Variants in INTS11 observed in about 807,000 individuals in gnomAD.
INTS11 encodes the protein CPSF3-like protein.
Under a neutral mutation model 78.6 loss-of-function variants are expected in INTS11, and 77 were observed. The ratio of observed to expected loss-of-function variants is 0.98; its 90% CI spans 0.81 to 1.18. The LOEUF (loss-of-function observed/expected upper bound fraction) is 1.18. Ranked by LOEUF, INTS11 falls within the 50% of genes most tolerant of loss-of-function variation. The probability of loss-of-function intolerance (pLI) is 0.00; values close to 1 mark genes in which losing one functional copy is unlikely to be tolerated. For synonymous variants in INTS11, 441 were observed against 326.9 expected (o/e 1.35, Z -3.77); for missense variants, 875 against 825.9 (o/e 1.06, Z -0.73).
At chr1:1,321,146 G>T in intron 1 of INTS11, 53 bp from the exon 2 acceptor site, 1 of 1,410,746 alleles carries the variant, frequency 7.1e-7, no homozygotes. Flanking sequence ...CCCCTGTGCT[G>T]CCTCCCCAAG....
chr1:1,318,411 A>G (rs949204610), intron 4 of INTS11, among the ~76,000 whole-genome samples: 1 of 152,164 alleles, frequency 6.6e-6, no homozygotes, highest in Non-Finnish European at 1.5e-5. Flanking sequence ...TAATCCGAGC[A>G]CTTTGAGAGG....
chr1:1,320,773 G>A (rs1378353079), intron 2 of INTS11: 3 of 712,946 alleles, frequency 4.2e-6, no homozygotes, highest in Non-Finnish European at 7.6e-6. Flanking sequence ...ACGGAGTCCA[G>A]CCTACAGGAC....
chr1:1,319,443 G>C lies in INTS11; in HGVS notation c.282C>G (p.His94Gln), dbSNP rs767166926. Reference sequence around the variant, plus strand: ...AGATGGGGCAGATGGCCTGGGTGGGGTGAGTCATGTAGATGGGCCCGTCGT... The same window carrying C: ...AGATGGGGCAGATGGCCTGGGTGGGCTGAGTCATGTAGATGGGCCCGTCGT... ...VGYDGPIYMT[H>Q]PTQAICPILL... is the part of the protein sequence containing the mutation. Residue 94 changes from histidine to glutamine, a missense_variant, in exon 4 of 17, where the codon CAC becomes CAG. Transcript: ENST00000435064. 2 of 1,612,834 alleles carry C rather than the reference G, an allele frequency of 1.2e-6. No homozygotes were observed. Among genetic ancestry groups the C allele is most frequent in the Non-Finnish European group, 1.7e-6 (2 of 1,179,726 alleles).
chr1:1,318,060 CAG>C (rs1054847128), intron 4 of INTS11, among the ~76,000 whole-genome samples: 8 of 152,010 alleles, frequency 5.3e-5, no homozygotes, highest in African/African-American at 1.9e-4. Context: ...TTAGTAGAGA[CAG>C]GGTTTCACCG....
chr1:1,314,998 A>G lies in INTS11; in HGVS notation c.564-36T>C, dbSNP rs1642490839. 3 of 1,604,402 alleles carry G rather than the reference A, an allele frequency of 1.9e-6. No homozygotes were observed. Among genetic ancestry groups the G allele is most frequent in the African/African-American group, 2.7e-5 (2 of 74,748 alleles). ...GGGGTGGGGGTGTGAGCCACGATGCACTGTCCCCACGGTTGCAGGGCTGGG... is the reference window on the plus strand; with the variant it reads ...GGGGTGGGGGTGTGAGCCACGATGCGCTGTCCCCACGGTTGCAGGGCTGGG... On this transcript the variant is annotated intron_variant, in intron 6 of 16. Transcript: ENST00000435064. This position sits in a 1 kb window ranked among gnomAD's most constrained non-coding sequence, Gnocchi z 4.2.
At chr1:1,316,132 G>C in intron 4 of INTS11, 1 of 195,466 alleles carries the variant, frequency 5.1e-6, no homozygotes, top group Non-Finnish European at 1.0e-5. Context: ...AAATACAAAA[G>C]TAAGCCAGGT....
rs1642284476 is a variant in INTS11, at chr1:1,312,579, C to T, written c.1402+14G>A. 2 of 1,577,732 alleles carry T rather than the reference C, an allele frequency of 1.3e-6. No homozygotes were observed. Among genetic ancestry groups the T allele is most frequent in the Non-Finnish European group, 1.7e-6 (2 of 1,158,376 alleles). On this transcript the variant is annotated intron_variant, in intron 13 of 16. Coordinates refer to ENST00000435064, the MANE Select transcript of INTS11 (RefSeq NM_017871.6). ...GCCCCGAGCACCCTGCCCTGCCCTG[C>T]CCAGCCCGCATACCCTGCGCCATCT...
At chr1:1,315,993 G>A (rs989966170) in intron 4 of INTS11, among the ~76,000 whole-genome samples, 8 of 152,204 alleles carry the variant, frequency 5.3e-5, no homozygotes, top group East Asian at 3.8e-4. Flanking sequence ...AGTTTCCAGC[G>A]TGGACTTTGA....
In INTS11 at chr1:1,314,743, C is replaced by T; in HGVS notation, c.702+81G>A. Reference sequence around the variant, plus strand: ...TACCCCCCACCCTGAGACCCTGACCCATGCCAAGGGCAGCCAAGCCTGCCA... The same window carrying T: ...TACCCCCCACCCTGAGACCCTGACCTATGCCAAGGGCAGCCAAGCCTGCCA... On this transcript the variant is annotated intron_variant, in intron 7 of 16. Coordinates refer to ENST00000435064, the MANE Select transcript of INTS11 (RefSeq NM_017871.6). This position sits in a 1 kb window ranked among gnomAD's most constrained non-coding sequence, Gnocchi z 4.2. The T allele has an allele frequency of 1.3e-6, 2 of 1,517,408 alleles. No individual in the cohort carries two copies. Among genetic ancestry groups the T allele is most frequent in the South Asian group, 2.4e-5 (2 of 82,064 alleles). The allele number at this position is 1,517,408 out of a possible 1,614,324, so 94.0% of individuals were successfully genotyped here. A position where few individuals can be genotyped will look rare whatever the true frequency, so the allele number is the denominator to read the frequency against.
chr1:1,317,820 C>T (rs1343454094), intron 4 of INTS11: 2 of 152,114 alleles, frequency 1.3e-5, no homozygotes, highest in Admixed American at 6.6e-5. Context: ...GAAAAAAAGT[C>T]CTTTAAGAAC....
At position 1,312,429 on chromosome 1, in the gene INTS11, C is replaced by G; in HGVS notation, c.1464+11G>C. 6.4e-7 allele frequency: 1 copy of G among 1,566,302 alleles called. No homozygotes were observed. The highest frequency in any genetic ancestry group is 8.7e-7 in the Non-Finnish European group (1 of 1,155,916). On this transcript the variant is annotated intron_variant, in intron 14 of 16. Coordinates refer to ENST00000435064, the MANE Select transcript of INTS11 (RefSeq NM_017871.6). ...GGCCCTCCCCCCTCCAGAGACCGTC[C>G]TGGCACTCACGCTGTCCTTCATGAT...
Position 1,312,213 on chromosome 1 carries a change from G to GCCGGGGCCCCCCCCCCCCCCC in INTS11, c.1607+12_1607+13insGGGGGGGGGGGGGGGCCCCGG. On this transcript the variant is annotated intron_variant, in intron 15 of 16. Coordinates refer to ENST00000435064, the MANE Select transcript of INTS11 (RefSeq NM_017871.6). ...CCCAAGGGAGTGGGGGGGGGGCGGGGCCGGGCGCCCACCTCTTGAGGTGGC... is the reference window on the plus strand; with the variant it reads ...CCCAAGGGAGTGGGGGGGGGGCGGGGCCGGGGCCCCCCCCCCCCCCCCCGGGCGCCCACCTCTTGAGGTGGC... The GCCGGGGCCCCCCCCCCCCCCC allele has an allele frequency of 2.1e-6, 2 of 934,618 alleles. No homozygotes were observed. The highest frequency in any genetic ancestry group is 3.1e-6 in the Non-Finnish European group (2 of 636,668). 57.9% of individuals were successfully genotyped at this position (934,618 alleles called of 1,614,324 possible). A position where few individuals can be genotyped will look rare whatever the true frequency, so the allele number is the denominator to read the frequency against.
At position 1,313,790 on chromosome 1, in the gene INTS11, A is replaced by G. The variant is rs1360549452; in HGVS notation, c.899T>C (p.Phe300Ser). 6 of 1,613,446 alleles carry G rather than the reference A, an allele frequency of 3.7e-6. No individual in the cohort carries two copies. Among genetic ancestry groups the G allele is most frequent in the Admixed American group, 1.7e-5 (1 of 60,024 alleles). Residue 300 changes from phenylalanine to serine, a missense_variant, in exon 9 of 17, where the codon TTT becomes TCT. Coordinates refer to ENST00000435064, the MANE Select transcript of INTS11 (RefSeq NM_017871.6). Reference sequence around the variant, plus strand: ...GAAGGCCTTGATGTGCTTGAACTCAAACATGTTCCTCTGCACGAAAGTCTT... The same window carrying G: ...GAAGGCCTTGATGTGCTTGAACTCAGACATGTTCCTCTGCACGAAAGTCTT... ...IRKTFVQRNM[F>S]EFKHIKAFDR...
At position 1,315,387 on chromosome 1, in the gene INTS11, C is replaced by T. The variant is rs771804361; in HGVS notation, c.563+17G>A. On this transcript the variant is annotated intron_variant, in intron 6 of 16. Coordinates refer to ENST00000435064, the MANE Select transcript of INTS11 (RefSeq NM_017871.6). ...CAGGGGGGCCCACGGGACAAAAAGA[C>T]ACCTCAGCCTACTTACCCTAAGTGT... The T allele has an allele frequency of 8.1e-6, 13 of 1,613,342 alleles. No homozygotes were observed. In the South Asian group the frequency reaches 1.4e-4, roughly 18 times the overall value.
intron 1 of INTS11, among the ~76,000 whole-genome samples, chr1:1,323,759 A>G (rs1015164285): frequency 6.8e-6 from 1 of 146,420 alleles, no homozygotes; most frequent in Non-Finnish European, 1.5e-5. Context: ...TATTTTTTTC[A>G]GTGTTGCAGA....
In INTS11 at chr1:1,319,485, G is replaced by A; in HGVS notation, c.240C>T (p.Phe80=). 1.9e-6 allele frequency: 3 copies of A among 1,603,266 alleles called. No individual in the cohort carries two copies. Among genetic ancestry groups the A allele is most frequent in the Non-Finnish European group, 1.7e-6 (2 of 1,174,370 alleles). The change falls in exon 4 of 17, where the codon TTC becomes TTT. Residue 80 remains phenylalanine, a synonymous_variant. Transcript: ENST00000435064. ...GCCCGTCGTAGCCCACCATCTCGCTGAAGTAGGGGAGTGCCCCGCAGTGGT... is the reference window on the plus strand; with the variant it reads ...GCCCGTCGTAGCCCACCATCTCGCTAAAGTAGGGGAGTGCCCCGCAGTGGT... The part of the protein sequence containing the change: ...HLDHCGALPY[F]SEMVGYDGPI...
In INTS11 at chr1:1,314,736, C is replaced by T; in HGVS notation, c.702+88G>A. The T allele has an allele frequency of 6.7e-7, 1 of 1,492,276 alleles. No homozygotes were observed. The highest frequency in any genetic ancestry group is 9.2e-7 in the Non-Finnish European group (1 of 1,089,922). The allele number at this position is 1,492,276 out of a possible 1,614,324, so 92.4% of individuals were successfully genotyped here. A position where few individuals can be genotyped will look rare whatever the true frequency, so the allele number is the denominator to read the frequency against. The stretch of plus-strand genomic sequence containing the variant: ...AATGCAGTACCCCCCACCCTGAGAC[C>T]CTGACCCATGCCAAGGGCAGCCAAG... On this transcript the variant is annotated intron_variant, in intron 7 of 16. Coordinates refer to ENST00000435064, the MANE Select transcript of INTS11 (RefSeq NM_017871.6). The surrounding 1 kb of genome is among the most constrained non-coding windows in gnomAD (Gnocchi z 4.2).
At position 1,312,709 on chromosome 1, in the gene INTS11, C is replaced by G. The variant is rs562172320; in HGVS notation, c.1295-9G>C. 1 of 1,590,432 alleles carries G rather than the reference C, an allele frequency of 6.3e-7. No homozygotes were observed. The highest frequency in any genetic ancestry group is 1.1e-5 in the South Asian group (1 of 88,702). ...CATGTAGCAGTTGACCCCTGGACCC[C>G]GGGGGAAGAGAGAGCCTCAGCCCAG... On this transcript the variant is annotated splice_polypyrimidine_tract_variant and intron_variant, in intron 12 of 16. Coordinates refer to ENST00000435064, the MANE Select transcript of INTS11 (RefSeq NM_017871.6).
At chr1:1,323,224 G>C in intron 1 of INTS11, 1 of 1,550,346 alleles carries the variant, frequency 6.5e-7, no homozygotes, top group Non-Finnish European at 8.7e-7. Flanking sequence ...GTCTGTGCTG[G>C]AAGGTGCCCT....
Sources: gnomAD v4.1 joint callset for allele counts (sites outside exome capture counted in the v4.1 genomes callset) on GRCh38, gnomAD v4.1.1 for gene constraint, Gnocchi (gnomAD v3.1) non-coding constraint, MANE v1.5 for transcripts, NCBI Gene and HGNC (gene_info 2026-07-23, HGNC 2026-07-21) for gene names.